The following UNC13C variants were observed in gnomAD, a reference collection of about 807,000 sequenced individuals.
UNC13C encodes the protein protein unc-13 homolog C.
In UNC13C, 174 loss-of-function variants were observed where a neutral mutation model predicts 245.4. That is an observed-to-expected ratio of 0.71 (90% CI 0.63 to 0.80). UNC13C has a LOEUF of 0.80. Ranked by LOEUF, UNC13C falls within the 30% of genes least tolerant of loss-of-function variation. The pLI, the probability that UNC13C is intolerant of heterozygous loss-of-function variation, is 0.00. For synonymous variants in UNC13C, 992 were observed against 895.1 expected (o/e 1.11, Z -1.93); for missense variants, 2,829 against 2,602.9 (o/e 1.09, Z -1.89).
chr15:54,456,547 T>C (rs1274427751), intron 19 of UNC13C, among the ~76,000 whole-genome samples: 5 of 151,788 alleles, frequency 3.3e-5, no homozygotes, highest in Non-Finnish European at 5.9e-5. Context: ...TAGTTTTCCT[T>C]ATAGAGATCT....
chr15:54,255,738 G>C (rs1485071643), intron 8 of UNC13C, among the ~76,000 whole-genome samples: 1 of 152,148 alleles, frequency 6.6e-6, no homozygotes, highest in Non-Finnish European at 1.5e-5. Flanking sequence ...TTAGGTCCCT[G>C]GGCAGAGGCC....
chr15:54,266,944 A>T (rs2036563588), intron 10 of UNC13C, among the ~76,000 whole-genome samples: 1 of 152,036 alleles, frequency 6.6e-6, no homozygotes, highest in Non-Finnish European at 1.5e-5. Flanking sequence ...ATTCAACGTA[A>T]TTATTTTGAG....
At chr15:54,562,348 T>A (rs1897327595) in intron 29 of UNC13C, among the ~76,000 whole-genome samples, 1 of 152,014 alleles carries the variant, frequency 6.6e-6, no homozygotes, top group Non-Finnish European at 1.5e-5. Context: ...AAAGTCTGAC[T>A]GTATAGGGGA....
chr15:54,312,798 T>C (rs1480442066), intron 13 of UNC13C, among the ~76,000 whole-genome samples: 1 of 151,784 alleles, frequency 6.6e-6, no homozygotes, highest in South Asian at 2.1e-4. Flanking sequence ...GGGGCAGACA[T>C]TGGAAGGTTT....
At chr15:54,369,917 G>C (rs1000915714) in intron 17 of UNC13C, among the ~76,000 whole-genome samples, 1 of 152,050 alleles carries the variant, frequency 6.6e-6, no homozygotes, top group Non-Finnish European at 1.5e-5. Context: ...TCTCTGGTTA[G>C]TTAGGGATCC....
At chr15:54,408,598 C>T (rs1481890612) in intron 18 of UNC13C, among the ~76,000 whole-genome samples, 31 of 152,092 alleles carry the variant, frequency 2.0e-4, no homozygotes, top group Non-Finnish European at 2.9e-5. Flanking sequence ...TCTTATTCAG[C>T]TTCACAGGCT....
At chr15:54,397,952 T>C (rs1331794178) in intron 18 of UNC13C, among the ~76,000 whole-genome samples, 1 of 151,434 alleles carries the variant, frequency 6.6e-6, no homozygotes, top group African/African-American at 2.4e-5. Context: ...ATTATTTTTC[T>C]TGCCTTATTG....
chr15:53,922,358 CAT>C, the UNC13C span, among the ~76,000 whole-genome samples: 1 of 152,200 alleles, frequency 6.6e-6, no homozygotes, highest in Non-Finnish European at 1.5e-5. Context: ...AAATCCAACA[CAT>C]ATTCACTTAT....
intron 17 of UNC13C, among the ~76,000 whole-genome samples, chr15:54,380,055 A>G (rs2039689984): frequency 6.6e-6 from 1 of 152,128 alleles, no homozygotes; most frequent in African/African-American, 2.4e-5. Context: ...TATGGTAAAC[A>G]TGGTGTACAA....
At chr15:54,098,481 T>A (rs968255425) in intron 2 of UNC13C, among the ~76,000 whole-genome samples, 23 of 152,244 alleles carry the variant, frequency 1.5e-4, no homozygotes, top group African/African-American at 5.5e-4. Context: ...GGCCCCTCCA[T>A]AGCTTCTTCT....
At chr15:54,219,208 G>C (rs2035142361) in intron 4 of UNC13C, among the ~76,000 whole-genome samples, 1 of 151,552 alleles carries the variant, frequency 6.6e-6, no homozygotes, top group African/African-American at 2.4e-5. Flanking sequence ...ATACTACAAG[G>C]CTACAGTAAC....
At chr15:54,307,542 T>C (rs1265595756) in intron 13 of UNC13C, among the ~76,000 whole-genome samples, 3 of 151,934 alleles carry the variant, frequency 2.0e-5, no homozygotes, top group South Asian at 2.1e-4. Flanking sequence ...TTGTCTCTAG[T>C]AAGCTCCTGA....
chr15:54,122,339 A>C (rs529499751), intron 2 of UNC13C, among the ~76,000 whole-genome samples: 1 of 152,050 alleles, frequency 6.6e-6, no homozygotes, highest in Non-Finnish European at 1.5e-5. Context: ...TTGGTTCTTT[A>C]GTTAGTTTTT....
chr15:54,406,207 C>T (rs2040289455), intron 18 of UNC13C, among the ~76,000 whole-genome samples: 1 of 152,092 alleles, frequency 6.6e-6, no homozygotes, highest in Non-Finnish European at 1.5e-5. Context: ...ATTGCGGGGA[C>T]GTGTATAGAA....
chr15:54,598,926 C>T (rs541859277), intron 30 of UNC13C, among the ~76,000 whole-genome samples: 1 of 152,164 alleles, frequency 6.6e-6, no homozygotes, highest in Admixed American at 6.5e-5. Flanking sequence ...ATTTCTGTAA[C>T]CTTGGCATCT....
intron 4 of UNC13C, among the ~76,000 whole-genome samples, chr15:54,151,560 GCCTGGC>G (rs2032517981): frequency 6.6e-6 from 1 of 152,038 alleles, no homozygotes; most frequent in African/African-American, 2.4e-5. Context: ...GTGCCATCAT[GCCTGGC>G]TAATTTTTTT....
chr15:54,469,147 C>T (rs1412118772), intron 19 of UNC13C, among the ~76,000 whole-genome samples: 1 of 151,436 alleles, frequency 6.6e-6, no homozygotes, highest in Non-Finnish European at 1.5e-5. Context: ...AGATCTTTCA[C>T]CTCCTTAACT....
chr15:54,554,059 T>C (rs1896989248), intron 28 of UNC13C, among the ~76,000 whole-genome samples: 1 of 151,986 alleles, frequency 6.6e-6, no homozygotes, highest in Non-Finnish European at 1.5e-5. Flanking sequence ...CATGGATCCA[T>C]GAAACATTAT....
intron 30 of UNC13C, among the ~76,000 whole-genome samples, chr15:54,584,031 T>G (rs1358335911): frequency 6.6e-6 from 1 of 152,124 alleles, no homozygotes; most frequent in Non-Finnish European, 1.5e-5. Context: ...CTCTCTGGGA[T>G]GTGTAAGTAA....
Sources: allele counts gnomAD v4.1 joint callset (sites outside exome capture counted in the v4.1 genomes callset), GRCh38; gene constraint gnomAD v4.1.1; transcripts MANE v1.5; gene names NCBI Gene and HGNC (gene_info 2026-07-23, HGNC 2026-07-21).